Variants in MAGI2 observed in about 807,000 individuals in gnomAD.
MAGI2 encodes membrane associated guanylate kinase, WW and PDZ domain containing 2, also known as membrane-associated guanylate kinase, WW and PDZ domain-containing protein 2.
A neutral mutation model predicts 133.3 loss-of-function variants in MAGI2; 35 were observed. The observed-to-expected ratio is 0.26, with a 90% CI of 0.20 to 0.35. The LOEUF is 0.35. MAGI2 is among the 10% of genes least tolerant of loss of function. MAGI2 has a pLI of 1.00. For synonymous variants in MAGI2, 729 were observed against 710.6 expected, an observed-to-expected ratio of 1.03 and a Z score of -0.41; for missense variants, 1,636 against 1,863.4, an observed-to-expected ratio of 0.88 and a Z score of 2.25.
At position 78,083,387 on chromosome 7, in the gene MAGI2, G is replaced by GGAGAGAGAGA. The variant is rs747230358; in HGVS notation, c.3568-4312_3568-4303dup. On this transcript the variant is annotated intron_variant, in intron 20 of 21. Coordinates refer to ENST00000354212, the MANE Select transcript of MAGI2 (RefSeq NM_012301.4). Reference sequence around the variant, plus strand: ...GGGGGCGGGGGAGGGAGGGAGGGGGGGAGAGAGAGAGAGAGAGAGAGAGAG... The same window carrying GGAGAGAGAGA: ...GGGGGCGGGGGAGGGAGGGAGGGGGGGAGAGAGAGAGAGAGAGAGAGAGAGAGAGAGAGAG... Among the ~76,000 whole-genome samples the GGAGAGAGAGA allele has an allele frequency of 5.2e-3, 173 of 33,280 alleles. 2 individuals are homozygous for GGAGAGAGAGA. The highest frequency in any genetic ancestry group is 0.011 in the African/African-American group (83 of 7,754). The allele number at this position is 33,280 out of a possible 152,430, so 21.8% of individuals were successfully genotyped here. A position where few individuals can be genotyped will look rare whatever the true frequency, so the allele number is the denominator to read the frequency against.
intron 1 of MAGI2, among the ~76,000 whole-genome samples, chr7:79,132,788 T>G (rs1285177736): frequency 6.6e-6 from 1 of 152,166 alleles, no homozygotes; most frequent in African/African-American, 2.4e-5. Context: ...GCATTCCCTT[T>G]TCTTCACATT....
intron 20 of MAGI2, among the ~76,000 whole-genome samples, chr7:78,097,630 A>T (rs1296381251): frequency 6.6e-6 from 1 of 152,102 alleles, no homozygotes; most frequent in African/African-American, 2.4e-5. Context: ...CATGAATACA[A>T]ATAAGGGAAC....
chr7:78,495,253 C>T (rs1306748575), intron 5 of MAGI2, among the ~76,000 whole-genome samples: 1 of 152,094 alleles, frequency 6.6e-6, no homozygotes, highest in Admixed American at 6.6e-5. Context: ...CCAATGCTAT[C>T]CCTCCCCTAG....
At chr7:78,809,117 G>C (rs1290525037) in intron 2 of MAGI2, among the ~76,000 whole-genome samples, 3 of 152,190 alleles carry the variant, frequency 2.0e-5, no homozygotes, top group Non-Finnish European at 2.9e-5. Flanking sequence ...GGATGGTGTG[G>C]AAGGGATTTC....
At chr7:79,436,973 A>G (rs905476964) in intron 1 of MAGI2, among the ~76,000 whole-genome samples, 45 of 152,218 alleles carry the variant, frequency 3.0e-4, no homozygotes, top group African/African-American at 1.0e-3. Context: ...GAACTGGATA[A>G]AGAAAATGTG....
chr7:78,619,548 G>A (rs1460082044), intron 3 of MAGI2, among the ~76,000 whole-genome samples: 1 of 151,778 alleles, frequency 6.6e-6, no homozygotes, highest in Non-Finnish European at 1.5e-5. Flanking sequence ...ATCATTAGTT[G>A]CTTATGTCAG....
At chr7:78,262,243 T>A (rs576889591) in intron 9 of MAGI2, among the ~76,000 whole-genome samples, 1 of 152,168 alleles carries the variant, frequency 6.6e-6, no homozygotes, top group Non-Finnish European at 1.5e-5. Context: ...TACTTAGGCA[T>A]GAAAGGTGTA....
intron 3 of MAGI2, among the ~76,000 whole-genome samples, chr7:78,561,562 A>G (rs1800405446): frequency 6.6e-6 from 1 of 151,502 alleles, no homozygotes; most frequent in African/African-American, 2.4e-5. Flanking sequence ...CAAAAATAGA[A>G]TTAGGAAAGA....
intron 1 of MAGI2, among the ~76,000 whole-genome samples, chr7:79,135,977 A>C (rs1369007651): frequency 2.8e-5 from 1 of 35,778 alleles, no homozygotes; most frequent in Non-Finnish European, 1.2e-4. Flanking sequence ...GAAAGAAAGA[A>C]AGAAAGAAAG....
chr7:78,703,819 CACATACACACACAA>C (rs1248118866), intron 2 of MAGI2, among the ~76,000 whole-genome samples: 2 of 83,934 alleles, frequency 2.4e-5, no homozygotes, highest in Non-Finnish European at 5.1e-5. Flanking sequence ...GATACACACA[CACATACACACACAA>C]ACACACACAC....
At chr7:78,722,647 G>A (rs188781288) in intron 2 of MAGI2, among the ~76,000 whole-genome samples, 1 of 152,162 alleles carries the variant, frequency 6.6e-6, no homozygotes, top group African/African-American at 2.4e-5. Context: ...CAGTCTCAGT[G>A]TGATATATCA....
intron 11 of MAGI2, among the ~76,000 whole-genome samples, chr7:78,200,827 A>T (rs1347941897): frequency 1.3e-5 from 2 of 152,198 alleles, no homozygotes; most frequent in African/African-American, 4.8e-5. Context: ...TGTTCCTAAA[A>T]ATTCCATGTT....
intron 9 of MAGI2, among the ~76,000 whole-genome samples, chr7:78,272,775 T>C (rs1021341836): frequency 3.9e-5 from 6 of 152,208 alleles, no homozygotes; most frequent in Admixed American, 1.3e-4. Context: ...CTGCTTTTTT[T>C]TGCTTTCCAT....
chr7:78,464,086 G>A (rs994147012), intron 6 of MAGI2, among the ~76,000 whole-genome samples: 2 of 152,060 alleles, frequency 1.3e-5, no homozygotes, highest in African/African-American at 4.8e-5. Flanking sequence ...CTCAAGAAAT[G>A]CTAAATATCA....
At chr7:78,953,385 G>A (rs1802028342) in intron 2 of MAGI2, among the ~76,000 whole-genome samples, 1 of 152,052 alleles carries the variant, frequency 6.6e-6, no homozygotes, top group Non-Finnish European at 1.5e-5. Flanking sequence ...CTCCAGAATG[G>A]ATAGCTTCTG....
chr7:78,667,436 A>C (rs1171747637), intron 2 of MAGI2, among the ~76,000 whole-genome samples: 2 of 151,556 alleles, frequency 1.3e-5, no homozygotes, highest in Non-Finnish European at 2.9e-5. Context: ...CATGTGCACA[A>C]TGTGCAAGTT....
chr7:78,821,352 T>C (rs1189589581), intron 2 of MAGI2, among the ~76,000 whole-genome samples: 1 of 151,938 alleles, frequency 6.6e-6, no homozygotes, highest in African/African-American at 2.4e-5. Flanking sequence ...TCTCTCTCTA[T>C]TGGGAGAAAT....
chr7:78,312,668 C>T (rs548910280), intron 9 of MAGI2, among the ~76,000 whole-genome samples: 17 of 151,964 alleles, frequency 1.1e-4, no homozygotes, highest in Non-Finnish European at 2.4e-4. Flanking sequence ...ATGGAGAAAA[C>T]GAAATGCTTA....
chr7:78,172,209 C>T (rs1826182333), intron 14 of MAGI2, among the ~76,000 whole-genome samples: 1 of 152,172 alleles, frequency 6.6e-6, no homozygotes, highest in Non-Finnish European at 1.5e-5. Flanking sequence ...AACCCAAAAC[C>T]ACCTTTCCAG....
Sources: gnomAD v4.1 joint callset for allele counts (sites outside exome capture counted in the v4.1 genomes callset) on GRCh38, gnomAD v4.1.1 for gene constraint, MANE v1.5 for transcripts, NCBI Gene and HGNC (gene_info 2026-07-23, HGNC 2026-07-21) for gene names.